The following PTPN4 variants were observed in gnomAD, a reference collection of about 807,000 sequenced individuals.
PTPN4 encodes tyrosine-protein phosphatase non-receptor type 4.
A neutral mutation model predicts 135.5 loss-of-function variants in PTPN4; 49 were observed. The ratio of observed to expected loss-of-function variants is 0.36; its 90% CI spans 0.29 to 0.46. The LOEUF (loss-of-function observed/expected upper bound fraction) is 0.46, where lower values mean the gene tolerates loss of function less well. PTPN4 is among the 20% of genes least tolerant of loss of function. The pLI is 1.00. For missense variants in PTPN4, 860 were observed against 1,101.0 expected, an observed-to-expected ratio of 0.78 and a Z score of 3.10; for synonymous variants, 333 against 369.9, an observed-to-expected ratio of 0.90 and a Z score of 1.14.
rs554186759 is a variant in PTPN4 at position 119,889,235 on chromosome 2, C to T, written c.675+3353C>T. The stretch of plus-strand genomic sequence containing the variant: ...GAGATTGAGACCATCCTGGCTAACG[C>T]GGTGAAACCCCGTCTCTACTAAAAA... On this transcript the variant is annotated intron_variant, in intron 9 of 26. Coordinates refer to ENST00000263708, the MANE Select transcript of PTPN4 (RefSeq NM_002830.4). Among the ~76,000 whole-genome samples the T allele has an allele frequency of 1.5e-4, 23 of 152,042 alleles. 1 individual carries two copies. The highest frequency in any genetic ancestry group is 1.1e-3 in the Admixed American group (17 of 15,274).
chr2:119,866,162 G>A lies in PTPN4; in HGVS notation c.246+3519G>A, dbSNP rs1254697872. 3.3e-5 allele frequency among the ~76,000 whole-genome samples: 5 copies of A among 152,052 alleles called. No individual in the cohort carries two copies. In the East Asian group the frequency reaches 9.6e-4, roughly 29 times the overall value. ...ATGCATTATTTCTTTAATTTTATGAGCAGTCAAAGGTGGCTTTTTCTTAGT... is the reference window on the plus strand; with the variant it reads ...ATGCATTATTTCTTTAATTTTATGAACAGTCAAAGGTGGCTTTTTCTTAGT... On this transcript the variant is annotated intron_variant, in intron 3 of 26. Transcript: ENST00000263708.
At chr2:119,914,121 C>T (rs1351724874) in intron 10 of PTPN4, among the ~76,000 whole-genome samples, 2 of 151,926 alleles carry the variant, frequency 1.3e-5, no homozygotes, top group Admixed American at 1.3e-4. Context: ...GATTTCCTTT[C>T]TCTTGATCAT....
intron 11 of PTPN4, 89 bp downstream of exon 11, chr2:119,915,331 T>C (rs779636825): frequency 1.4e-5 from 15 of 1,099,338 alleles, no homozygotes; most frequent in South Asian, 5.2e-5. Flanking sequence ...TTAGTACAAG[T>C]GAAAGTGCAA....
intron 1 of PTPN4, among the ~76,000 whole-genome samples, chr2:119,783,998 G>A (rs1321186795): frequency 6.9e-6 from 1 of 145,434 alleles, no homozygotes; most frequent in Non-Finnish European, 1.5e-5. Context: ...TGAAGGATGG[G>A]CTCAGCTGGG....
chr2:119,765,914 C>CTGTGTGTGTGTG (rs61700411), intron 1 of PTPN4, among the ~76,000 whole-genome samples: 2 of 150,260 alleles, frequency 1.3e-5, no homozygotes, highest in Admixed American at 6.6e-5. Context: ...GTGTGTGAAT[C>CTGTGTGTGTGTG]TGTGTGTGTG....
chr2:119,902,497 G>A (rs1678420453), intron 10 of PTPN4, among the ~76,000 whole-genome samples: 1 of 152,252 alleles, frequency 6.6e-6, no homozygotes, highest in Admixed American at 6.5e-5. Flanking sequence ...AAAGAAAGCA[G>A]AGAGGGGACT....
rs11884716 is a variant in PTPN4, at chr2:119,949,402, A to G, written c.1657-2571A>G. Among the ~76,000 whole-genome samples the G allele has an allele frequency of 9.6e-4, 146 of 152,318 alleles. 2 individuals carry two copies. The highest frequency in any genetic ancestry group is 3.2e-3 in the African/African-American group (133 of 41,574). The stretch of plus-strand genomic sequence containing the variant: ...TTGTATGAATACATAATAGTTGTAC[A>G]TGTTTATGGGATTCAAATATTTTAT... On this transcript the variant is annotated intron_variant, in intron 18 of 26. Transcript: ENST00000263708.
chr2:119,962,565 T>C, intron 23 of PTPN4, 51 bp from the exon 24 acceptor site: 1 of 1,033,586 alleles, frequency 9.7e-7, no homozygotes, highest in African/African-American at 1.7e-5. Flanking sequence ...TTGGAGAACA[T>C]GAATCCATAT....
chr2:119,916,183 T>G, intron 11 of PTPN4: 1 of 135,784 alleles, frequency 7.4e-6, no homozygotes, highest in African/African-American at 2.8e-5. Context: ...CTGGATGACA[T>G]AGGGAGGCCC....
intron 5 of PTPN4, among the ~76,000 whole-genome samples, 166 bp from the exon 6 acceptor site, chr2:119,881,620 G>A (rs916168156): frequency 2.0e-5 from 3 of 152,272 alleles, no homozygotes; most frequent in African/African-American, 4.8e-5. Context: ...TTAGATTCAT[G>A]AGCTTATGAA....
At position 119,787,273 on chromosome 2, in the gene PTPN4, G is replaced by T. The variant is rs76389534; in HGVS notation, c.-17-22564G>T. The stretch of plus-strand genomic sequence containing the variant: ...TTGGGGAAGGACATTGAGGGAAACA[G>T]AGGCCAAAGTGATACTGATGTTTCT... On this transcript the variant is annotated intron_variant, in intron 1 of 26. Coordinates refer to ENST00000263708, the MANE Select transcript of PTPN4 (RefSeq NM_002830.4). 5.3e-5 allele frequency among the ~76,000 whole-genome samples: 8 copies of T among 152,348 alleles called. No homozygotes were observed. In the East Asian group the frequency reaches 1.5e-3, roughly 29 times the overall value.
rs749443580 is a variant in PTPN4, at chr2:119,882,455, T to C, written c.467-48T>C. 27 of 1,425,084 alleles carry C rather than the reference T, an allele frequency of 1.9e-5. No homozygotes were observed. In the East Asian group the frequency reaches 6.9e-4, roughly 36 times the overall value. The allele number at this position is 1,425,084 out of a possible 1,614,324, so 88.3% of individuals were successfully genotyped here. On this transcript the variant is annotated intron_variant, in intron 7 of 26. Coordinates refer to ENST00000263708, the MANE Select transcript of PTPN4 (RefSeq NM_002830.4). ...GGCATCGCTGATTTGACTATAATAA[T>C]TTAAAAATTTGTTTATTAAAATGTG...
At chr2:119,967,134 A>G (rs575637275) in intron 25 of PTPN4, among the ~76,000 whole-genome samples, 1 of 152,368 alleles carries the variant, frequency 6.6e-6, no homozygotes, top group East Asian at 1.9e-4. Context: ...GTTCTTGGCT[A>G]TCCCAGTGGT....
intron 2 of PTPN4, among the ~76,000 whole-genome samples, chr2:119,861,797 C>A (rs1649979421): frequency 1.3e-5 from 2 of 151,784 alleles, no homozygotes; most frequent in African/African-American, 4.8e-5. Flanking sequence ...CCTTTTGTAC[C>A]ACAGTTTAAC....
chr2:119,943,578 T>G (rs148381855), intron 15 of PTPN4, among the ~76,000 whole-genome samples: 2,891 of 123,864 alleles, frequency 0.023, 111 homozygotes, highest in African/African-American at 0.078. Context: ...TTTCATTTTT[T>G]TCTTTTTTTT....
chr2:119,965,787 G>A, intron 25 of PTPN4, 142 bp downstream of exon 25: 1 of 941,070 alleles, frequency 1.1e-6, no homozygotes. Context: ...AGGAGGCAAA[G>A]GATATGTTCT....
At position 119,792,898 on chromosome 2, in the gene PTPN4, G is replaced by A. The variant is rs1286360091; in HGVS notation, c.-17-16939G>A. On this transcript the variant is annotated intron_variant, in intron 1 of 26. Coordinates refer to ENST00000263708, the MANE Select transcript of PTPN4 (RefSeq NM_002830.4). Reference sequence around the variant, plus strand: ...CAAAGGGGAGGGAGTGTATGAATAGGGTGTGGGTCACAGAGATCACATGCT... The same window carrying A: ...CAAAGGGGAGGGAGTGTATGAATAGAGTGTGGGTCACAGAGATCACATGCT... Among the ~76,000 whole-genome samples, 4 of 152,248 alleles carry A rather than the reference G, an allele frequency of 2.6e-5. No individual in the cohort carries two copies. The East Asian group carries it at 7.7e-4, about 29-fold the overall frequency.
chr2:119,856,136 G>T (rs1157520639), intron 2 of PTPN4, among the ~76,000 whole-genome samples: 1 of 152,128 alleles, frequency 6.6e-6, no homozygotes, highest in Admixed American at 6.5e-5. Flanking sequence ...TCAACATGGT[G>T]ACTTAGAGCA....
intron 2 of PTPN4, among the ~76,000 whole-genome samples, chr2:119,846,803 TCTTAA>T (rs1458787661): frequency 1.3e-5 from 2 of 151,632 alleles, no homozygotes; most frequent in Non-Finnish European, 2.9e-5. Context: ...ACCAGATACA[TCTTAA>T]CTTATCAGAA....
Sources: gnomAD v4.1 joint callset for allele counts (sites outside exome capture counted in the v4.1 genomes callset) on GRCh38, gnomAD v4.1.1 for gene constraint, MANE v1.5 for transcripts, NCBI Gene and HGNC (gene_info 2026-07-23, HGNC 2026-07-21) for gene names.